Variants in ADAMTS6 observed in about 807,000 individuals in gnomAD.
The protein encoded by ADAMTS6 is A disintegrin and metalloproteinase with thrombospondin motifs 6.
In ADAMTS6, 23 loss-of-function variants were observed where a neutral mutation model predicts 144.3. The observed-to-expected ratio is 0.16, with a 90% CI of 0.11 to 0.23. The LOEUF (loss-of-function observed/expected upper bound fraction) is 0.23, where lower values mean the gene tolerates loss of function less well. ADAMTS6 is among the 10% of genes least tolerant of loss of function. The pLI is 1.00. For missense variants in ADAMTS6, 999 were observed against 1,379.6 expected (o/e 0.72, Z 4.37); for synonymous variants, 444 against 457.5 (o/e 0.97, Z 0.38).
rs568003605 is a variant in ADAMTS6 at position 65,420,179 on chromosome 5, TACTC to T, written c.1073+31292_1073+31295del. 7.4e-4 allele frequency among the ~76,000 whole-genome samples: 112 copies of T among 152,032 alleles called. 1 individual carries two copies. The highest frequency in any genetic ancestry group is 3.4e-3 in the Middle Eastern group (1 of 294). On this transcript the variant is annotated intron_variant, in intron 7 of 24. Coordinates refer to ENST00000381055, the MANE Select transcript of ADAMTS6 (RefSeq NM_197941.4). ...AAAACCATCAGATCTTGTGAGAACTTACTCACTATCATGAGAACAGTATGGGGGA... is the reference window on the plus strand; with the variant it reads ...AAAACCATCAGATCTTGTGAGAACTTACTATCATGAGAACAGTATGGGGGA...
intron 7 of ADAMTS6, among the ~76,000 whole-genome samples, chr5:65,355,378 C>T (rs1206310936): frequency 6.6e-6 from 1 of 151,784 alleles, no homozygotes; most frequent in Non-Finnish European, 1.5e-5. Flanking sequence ...CAACTTCCAT[C>T]ATCAACTTAC....
chr5:65,198,243 A>C (rs1472315402), intron 20 of ADAMTS6, among the ~76,000 whole-genome samples: 1 of 152,150 alleles, frequency 6.6e-6, no homozygotes, highest in East Asian at 1.9e-4. Context: ...ACCCAGAAAG[A>C]GTTGTAAAAG....
In ADAMTS6 at chr5:65,149,095, C is replaced by T. The variant is rs16893435; in HGVS notation, c.*2741G>A. ...CTATTTGGAAATCATATGTATCTCA[C>T]GGGGTTTAATCATTAGGGTACATTT... On this transcript the variant is annotated 3_prime_UTR_variant, in exon 25 of 25. Coordinates refer to ENST00000381055, the MANE Select transcript of ADAMTS6 (RefSeq NM_197941.4). 8,447 of 152,642 alleles carry T rather than the reference C, an allele frequency of 0.055. 334 individuals are homozygous for T. Among genetic ancestry groups the T allele is most frequent in the Non-Finnish European group, 0.078 (5,278 of 68,012 alleles). 9.5% of individuals were successfully genotyped at this position (152,642 alleles called of 1,614,324 possible). A position where few individuals can be genotyped will look rare whatever the true frequency, so the allele number is the denominator to read the frequency against.
chr5:65,469,526 AT>A (rs1178610607), intron 3 of ADAMTS6, among the ~76,000 whole-genome samples: 2 of 152,244 alleles, frequency 1.3e-5, no homozygotes, highest in African/African-American at 2.4e-5. Flanking sequence ...ATTTAAAAAA[AT>A]AAATCTGTTT....
At chr5:65,196,444 A>T (rs1044821251) in intron 21 of ADAMTS6, among the ~76,000 whole-genome samples, 29 of 141,194 alleles carry the variant, frequency 2.1e-4, no homozygotes, top group African/African-American at 7.7e-4. Flanking sequence ...AATGGCATGA[A>T]CCCTGGAGGC....
chr5:65,163,188 G>A (rs892185687), intron 24 of ADAMTS6, among the ~76,000 whole-genome samples: 1 of 152,102 alleles, frequency 6.6e-6, no homozygotes, highest in African/African-American at 2.4e-5. Flanking sequence ...TGAGATTACA[G>A]ATGTGAGCCA....
At position 65,187,825 on chromosome 5, in the gene ADAMTS6, G is replaced by A. The variant is rs932125435; in HGVS notation, c.2910+191C>T. Among the ~76,000 whole-genome samples the A allele has an allele frequency of 3.1e-4, 47 of 152,026 alleles. 1 individual carries two copies. The highest frequency in any genetic ancestry group is 2.8e-3 in the Admixed American group (43 of 15,244). On this transcript the variant is annotated intron_variant, in intron 22 of 24. Transcript: ENST00000381055. Reference sequence around the variant, plus strand: ...TAATCAAATTGATGACAAGTTTCTCGCTGATTTCCCTTACCCACCCAAAAA... The same window carrying A: ...TAATCAAATTGATGACAAGTTTCTCACTGATTTCCCTTACCCACCCAAAAA...
chr5:65,372,841 G>C (rs1262325416), intron 7 of ADAMTS6, among the ~76,000 whole-genome samples: 1 of 151,978 alleles, frequency 6.6e-6, no homozygotes, highest in Admixed American at 6.6e-5. Context: ...TTCCAAAATT[G>C]ACCACATAGT....
intron 24 of ADAMTS6, among the ~76,000 whole-genome samples, chr5:65,166,223 G>A (rs966177647): frequency 7.0e-6 from 1 of 143,462 alleles, no homozygotes; most frequent in African/African-American, 2.6e-5. Context: ...AAATGCAGGG[G>A]TTGCAATCCT....
At chr5:65,170,302 C>G (rs937545943) in intron 24 of ADAMTS6, among the ~76,000 whole-genome samples, 1 of 152,310 alleles carries the variant, frequency 6.6e-6, no homozygotes, top group Non-Finnish European at 1.5e-5. Flanking sequence ...CATTAGGAAA[C>G]AGCTCTAAAG....
At chr5:65,221,676 T>C (rs1580099370) in intron 18 of ADAMTS6, among the ~76,000 whole-genome samples, 1 of 152,168 alleles carries the variant, frequency 6.6e-6, no homozygotes. Flanking sequence ...ATAAAGGGCA[T>C]AAAGATTGGA....
intron 9 of ADAMTS6, among the ~76,000 whole-genome samples, chr5:65,314,497 G>C (rs1744800794): frequency 6.6e-6 from 1 of 152,104 alleles, no homozygotes; most frequent in Admixed American, 6.6e-5. Context: ...TAATGGCTAA[G>C]AATTTTTCAA....
At chr5:65,283,426 T>C (rs912539345) in intron 11 of ADAMTS6, among the ~76,000 whole-genome samples, 2 of 151,514 alleles carry the variant, frequency 1.3e-5, no homozygotes, top group Non-Finnish European at 2.9e-5. Flanking sequence ...ATCACCAACT[T>C]AAAAGTATTC....
rs1442176002 is a variant in ADAMTS6, at chr5:65,471,160, A to G, written c.98-18T>C. 2 of 1,559,522 alleles carry G rather than the reference A, an allele frequency of 1.3e-6. No homozygotes were observed. The highest frequency in any genetic ancestry group is 1.7e-6 in the Non-Finnish European group (2 of 1,165,198). On this transcript the variant is annotated intron_variant, in intron 2 of 24. Coordinates refer to ENST00000381055, the MANE Select transcript of ADAMTS6 (RefSeq NM_197941.4). ...GAATTCCTCTTTGTAATCACAAGGC[A>G]GAGAATCCAGAAAAAAAACACATGG... is the stretch of plus-strand genomic sequence containing the variant.
At chr5:65,238,306 C>G (rs1354583090) in intron 15 of ADAMTS6, among the ~76,000 whole-genome samples, 1 of 152,082 alleles carries the variant, frequency 6.6e-6, no homozygotes, top group Admixed American at 6.6e-5. Flanking sequence ...TTCTGAGCAT[C>G]TGTAAAACAA....
chr5:65,473,949 T>C lies in ADAMTS6; in HGVS notation c.-276A>G. On this transcript the variant is annotated 5_prime_UTR_variant, in exon 2 of 25. Coordinates refer to ENST00000381055, the MANE Select transcript of ADAMTS6 (RefSeq NM_197941.4). ...TAGTTACTAAAGTATGGCCATTTTTTAACCTAGAAAAAAAAAAATTTAAGT... is the reference window on the plus strand; with the variant it reads ...TAGTTACTAAAGTATGGCCATTTTTCAACCTAGAAAAAAAAAAATTTAAGT... The C allele has an allele frequency of 2.3e-6, 1 of 435,876 alleles. No homozygotes were observed. Among genetic ancestry groups the C allele is most frequent in the Non-Finnish European group, 4.0e-6 (1 of 247,678 alleles). 27.0% of individuals were successfully genotyped at this position (435,876 alleles called of 1,614,324 possible).
intron 24 of ADAMTS6, among the ~76,000 whole-genome samples, chr5:65,166,959 C>T (rs1346399070): frequency 1.4e-5 from 2 of 144,816 alleles, no homozygotes; most frequent in Admixed American, 1.4e-4. Context: ...ACCCTAACAT[C>T]ACAATTAAAA....
intron 3 of ADAMTS6, among the ~76,000 whole-genome samples, chr5:65,467,800 A>G (rs1211049060): frequency 6.6e-6 from 1 of 152,220 alleles, no homozygotes; most frequent in East Asian, 1.9e-4. Flanking sequence ...AAAACCAGGA[A>G]TGTAAACTCA....
intron 9 of ADAMTS6, among the ~76,000 whole-genome samples, chr5:65,316,947 G>A (rs971190570): frequency 5.9e-5 from 9 of 151,908 alleles, no homozygotes; most frequent in Admixed American, 3.3e-4. Context: ...GACTACAAGC[G>A]TGCGCCATCA....
Sources: gnomAD v4.1 joint callset for allele counts (sites outside exome capture counted in the v4.1 genomes callset) on GRCh38, gnomAD v4.1.1 for gene constraint, MANE v1.5 for transcripts, NCBI Gene and HGNC (gene_info 2026-07-23, HGNC 2026-07-21) for gene names.